AP3S1: variants seen among roughly 807,000 people sequenced by gnomAD.
AP3S1 encodes the protein adaptor related protein complex 3 subunit sigma 1.
A neutral mutation model predicts 21.3 loss-of-function variants in AP3S1; 12 were observed. That is an observed-to-expected ratio of 0.56 (90% confidence interval 0.36 to 0.91). The LOEUF (loss-of-function observed/expected upper bound fraction) is 0.91, where lower values mean the gene tolerates loss of function less well. AP3S1 is among the 40% of genes least tolerant of loss of function. AP3S1 has a pLI of 0.01. For missense variants in AP3S1, 116 were observed against 225.0 expected, an observed-to-expected ratio of 0.52 and a Z score of 3.10; for synonymous variants, 48 against 78.4, an observed-to-expected ratio of 0.61 and a Z score of 2.05.
intron 3 of AP3S1, among the ~76,000 whole-genome samples, chr5:115,870,430 C>T (rs1748129719): frequency 6.6e-6 from 1 of 152,184 alleles, no homozygotes; most frequent in South Asian, 2.1e-4. Flanking sequence ...CCCTACCTCT[C>T]CCTGTCTCCT....
At chr5:115,845,652 G>C (rs1762002222) in intron 1 of AP3S1, among the ~76,000 whole-genome samples, 1 of 151,728 alleles carries the variant, frequency 6.6e-6, no homozygotes, top group African/African-American at 2.4e-5. Context: ...TGGCCAACAT[G>C]GTGAAACCCC....
chr5:115,899,925 T>G (rs1751066241), intron 4 of AP3S1, among the ~76,000 whole-genome samples: 1 of 152,100 alleles, frequency 6.6e-6, no homozygotes, highest in South Asian at 2.1e-4. Context: ...ACTTGATATT[T>G]GTTTTATAAA....
At chr5:115,854,066 A>G (rs963153704) in intron 1 of AP3S1, among the ~76,000 whole-genome samples, 3 of 152,172 alleles carry the variant, frequency 2.0e-5, no homozygotes, top group East Asian at 1.9e-4. Context: ...GCATCATAAC[A>G]TGGTGAAAGG....
intron 1 of AP3S1, among the ~76,000 whole-genome samples, chr5:115,858,710 T>G (rs946846114): frequency 6.6e-6 from 1 of 151,566 alleles, no homozygotes; most frequent in African/African-American, 2.4e-5. Flanking sequence ...TCTCCAGTTT[T>G]CTACTGAATT....
At chr5:115,900,192 C>A (rs939516269) in intron 4 of AP3S1, among the ~76,000 whole-genome samples, 1 of 152,078 alleles carries the variant, frequency 6.6e-6, no homozygotes, top group Admixed American at 6.6e-5. Flanking sequence ...CAGATAAATT[C>A]TAGAGTATTT....
intron 3 of AP3S1, among the ~76,000 whole-genome samples, chr5:115,894,059 G>A (rs1195763150): frequency 2.6e-5 from 4 of 152,144 alleles, no homozygotes. Flanking sequence ...GGGATGCACT[G>A]GACTCAGAAG....
intron 1 of AP3S1, among the ~76,000 whole-genome samples, chr5:115,847,289 G>T (rs1466958875): frequency 6.6e-6 from 1 of 152,138 alleles, no homozygotes; most frequent in Non-Finnish European, 1.5e-5. Context: ...GCAAACAAGG[G>T]TCTGCTATTT....
At chr5:115,890,070 C>A (rs1238758408) in intron 3 of AP3S1, among the ~76,000 whole-genome samples, 1 of 152,080 alleles carries the variant, frequency 6.6e-6, no homozygotes, top group Non-Finnish European at 1.5e-5. Flanking sequence ...TGCGTATAAT[C>A]GTTTTGAAAG....
chr5:115,893,296 T>C (rs566292102), intron 3 of AP3S1, among the ~76,000 whole-genome samples: 1 of 152,304 alleles, frequency 6.6e-6, no homozygotes, highest in South Asian at 2.1e-4. Context: ...AATCTGCAGC[T>C]GTGGTTGCTT....
intron 1 of AP3S1, among the ~76,000 whole-genome samples, chr5:115,863,170 C>G (rs369456257): frequency 6.6e-6 from 1 of 151,894 alleles, no homozygotes; most frequent in Non-Finnish European, 1.5e-5. Flanking sequence ...GAGACCGAGG[C>G]GGGTGGATCA....
chr5:115,858,110 G>A (rs1459183451), intron 1 of AP3S1, among the ~76,000 whole-genome samples: 1 of 152,022 alleles, frequency 6.6e-6, no homozygotes, highest in South Asian at 2.1e-4. Flanking sequence ...ATTATTTTAG[G>A]GGATTCCTTT....
intron 5 of AP3S1, among the ~76,000 whole-genome samples, chr5:115,908,392 G>A (rs1313157622): frequency 6.6e-6 from 1 of 152,112 alleles, no homozygotes; most frequent in Non-Finnish European, 1.5e-5. Flanking sequence ...AAAGAGGAGA[G>A]AATAAGAAAA....
intron 4 of AP3S1, among the ~76,000 whole-genome samples, chr5:115,898,275 G>A (rs187377662): frequency 6.6e-6 from 1 of 152,298 alleles, no homozygotes; most frequent in Admixed American, 6.5e-5. Context: ...AGCCTCCAAT[G>A]TAACAGTTTC....
chr5:115,868,917 G>GA (rs1580661612), intron 2 of AP3S1, among the ~76,000 whole-genome samples: 1 of 68,122 alleles, frequency 1.5e-5, no homozygotes, highest in African/African-American at 6.6e-5. Context: ...GAGAAAGAGA[G>GA]GATGAAGGGA....
At chr5:115,872,004 G>T (rs899172267) in intron 3 of AP3S1, among the ~76,000 whole-genome samples, 2 of 152,120 alleles carry the variant, frequency 1.3e-5, no homozygotes, top group African/African-American at 4.8e-5. Flanking sequence ...TAGCACTGTG[G>T]CTAAGGCTTT....
intron 5 of AP3S1, chr5:115,908,892 A>G (rs1463363083): frequency 4.2e-6 from 3 of 716,266 alleles, no homozygotes; most frequent in Non-Finnish European, 5.1e-6. Context: ...TGCTTTCAAA[A>G]TCTGCCATTA....
chr5:115,900,091 A>G (rs1751081443), intron 4 of AP3S1, among the ~76,000 whole-genome samples: 1 of 152,198 alleles, frequency 6.6e-6, no homozygotes, highest in African/African-American at 2.4e-5. Context: ...GGTAGAAATA[A>G]TATTCAATAC....
At chr5:115,889,243 C>T (rs952101595) in intron 3 of AP3S1, among the ~76,000 whole-genome samples, 1 of 151,978 alleles carries the variant, frequency 6.6e-6, no homozygotes, top group Non-Finnish European at 1.5e-5. Context: ...ATGGTCTTCT[C>T]ATGGTTAAAA....
chr5:115,891,835 A>G (rs1009556071), intron 3 of AP3S1, among the ~76,000 whole-genome samples: 2 of 152,240 alleles, frequency 1.3e-5, no homozygotes, highest in Non-Finnish European at 2.9e-5. Context: ...CTGCAAAGCC[A>G]CAGGGTTGGA....
Sources: gnomAD v4.1 joint callset for allele counts (sites outside exome capture counted in the v4.1 genomes callset) on GRCh38, gnomAD v4.1.1 for gene constraint, MANE v1.5 for transcripts, NCBI Gene and HGNC (gene_info 2026-07-23, HGNC 2026-07-21) for gene names.